Variants in CPEB3 observed in about 807,000 individuals in gnomAD.
CPEB3 encodes cytoplasmic polyadenylation element binding protein 3, also known as cytoplasmic polyadenylation element-binding protein 3.
Under a neutral mutation model 67.2 loss-of-function variants are expected in CPEB3, and 20 were observed. The ratio of observed to expected loss-of-function variants is 0.30; its 90% CI spans 0.21 to 0.43. The LOEUF is 0.43. Ranked by LOEUF, CPEB3 falls within the 20% of genes least tolerant of loss-of-function variation. The probability of loss-of-function intolerance (pLI) is 1.00; values close to 1 mark genes in which losing one functional copy is unlikely to be tolerated. For missense variants in CPEB3, 746 were observed against 968.6 expected (o/e 0.77, Z 3.05); for synonymous variants, 376 against 393.1 (o/e 0.96, Z 0.51).
chr10:92,079,082 T>C (rs1843042011), intron 9 of CPEB3, among the ~76,000 whole-genome samples: 2 of 152,108 alleles, frequency 1.3e-5, no homozygotes, highest in African/African-American at 4.8e-5. Flanking sequence ...GCTACTTCCA[T>C]ATAAATAAGA....
intron 7 of CPEB3, among the ~76,000 whole-genome samples, chr10:92,103,411 A>T (rs1389666781): frequency 6.6e-6 from 1 of 152,248 alleles, no homozygotes; most frequent in Non-Finnish European, 1.5e-5. Flanking sequence ...TGCTCTAAAA[A>T]TTATCCCTAC....
rs192578216 is a variant in CPEB3 at position 92,279,225 on chromosome 10, G to A, written c.-12+11701C>T. On this transcript the variant is annotated intron_variant, in intron 1 of 9. Coordinates refer to ENST00000265997, the MANE Select transcript of CPEB3 (RefSeq NM_014912.5). ...TGAGGAAGTTCCCTTCTATTCCTGAGTGGTCTTTTTCTCTTCCTCTTACAA... is the reference window on the plus strand; with the variant it reads ...TGAGGAAGTTCCCTTCTATTCCTGAATGGTCTTTTTCTCTTCCTCTTACAA... 2.8e-3 allele frequency among the ~76,000 whole-genome samples: 424 copies of A among 152,154 alleles called. 4 individuals are homozygous for A. Among genetic ancestry groups the A allele is most frequent in the African/African-American group, 9.4e-3 (390 of 41,538 alleles).
chr10:92,277,160 C>T (rs967007198), intron 1 of CPEB3, among the ~76,000 whole-genome samples: 3 of 152,086 alleles, frequency 2.0e-5, no homozygotes, highest in African/African-American at 4.8e-5. Flanking sequence ...TCCAATTTAT[C>T]TATTCTTTCT....
In CPEB3 at chr10:92,067,351, T is replaced by G. The variant is rs556013540; in HGVS notation, c.1869+13969A>C. ...CCCCATCTCTACTAAAAATACAAAA[T>G]TAGCCAGGCATGGTGGCGCATGCCT... is the stretch of plus-strand genomic sequence containing the variant. On this transcript the variant is annotated intron_variant, in intron 9 of 9. Transcript: ENST00000265997. Among the ~76,000 whole-genome samples, 5 of 150,136 alleles carry G rather than the reference T, an allele frequency of 3.3e-5. No individual in the cohort carries two copies. In the South Asian group the frequency reaches 1.1e-3, roughly 32 times the overall value.
chr10:92,216,265 A>T, intron 2 of CPEB3: 1 of 1,368,548 alleles, frequency 7.3e-7, no homozygotes. Flanking sequence ...GTGAAACCCC[A>T]TCTCTACTAA....
chr10:92,108,095 A>AGATAAAGGG (rs1344739150), intron 7 of CPEB3, among the ~76,000 whole-genome samples: 5 of 152,226 alleles, frequency 3.3e-5, no homozygotes, highest in African/African-American at 7.2e-5. Flanking sequence ...TGAGAAAGAA[A>AGATAAAGGG]GATAAAGGGT....
chr10:92,123,246 C>T (rs1438484098), intron 6 of CPEB3, among the ~76,000 whole-genome samples: 1 of 152,166 alleles, frequency 6.6e-6, no homozygotes, highest in South Asian at 2.1e-4. Flanking sequence ...CTTGTGAAGT[C>T]TGCCAATCTG....
At chr10:92,127,500 A>AC (rs748786908) in intron 6 of CPEB3, among the ~76,000 whole-genome samples, 13 of 151,678 alleles carry the variant, frequency 8.6e-5, no homozygotes, top group Non-Finnish European at 1.6e-4. Flanking sequence ...ATATGGTGAG[A>AC]CCCCCATCTC....
chr10:92,185,387 G>A (rs1247216617), intron 3 of CPEB3, among the ~76,000 whole-genome samples: 1 of 152,052 alleles, frequency 6.6e-6, no homozygotes, highest in East Asian at 1.9e-4. Flanking sequence ...GAAGGGAGAG[G>A]TTAGAGAATA....
At chr10:92,159,409 C>T (rs535330233) in intron 4 of CPEB3, among the ~76,000 whole-genome samples, 5 of 152,152 alleles carry the variant, frequency 3.3e-5, no homozygotes, top group East Asian at 3.9e-4. Context: ...CAGTGGCTCA[C>T]GTTTGTAATC....
intron 7 of CPEB3, among the ~76,000 whole-genome samples, chr10:92,104,697 G>A (rs780364548): frequency 3.3e-5 from 5 of 151,714 alleles, no homozygotes; most frequent in Non-Finnish European, 5.9e-5. Flanking sequence ...GAAATGCAAC[G>A]TTTTTTAGAC....
chr10:92,274,861 T>C (rs1461219269), intron 1 of CPEB3, among the ~76,000 whole-genome samples: 1 of 152,140 alleles, frequency 6.6e-6, no homozygotes, highest in Non-Finnish European at 1.5e-5. Flanking sequence ...TGTAGTTCCT[T>C]CTGAGGAGTT....
chr10:92,135,767 T>C (rs1846061726), intron 6 of CPEB3, among the ~76,000 whole-genome samples: 1 of 152,060 alleles, frequency 6.6e-6, no homozygotes, highest in South Asian at 2.1e-4. Flanking sequence ...AACCAAAATG[T>C]CCATCAATGA....
chr10:92,082,300 A>G (rs1409653671), intron 8 of CPEB3, among the ~76,000 whole-genome samples: 1 of 149,868 alleles, frequency 6.7e-6, no homozygotes, highest in Admixed American at 6.6e-5. Flanking sequence ...TTGTTTGTTT[A>G]CTGAGACAGA....
intron 3 of CPEB3, among the ~76,000 whole-genome samples, chr10:92,185,099 A>G (rs1365419906): frequency 6.6e-6 from 1 of 152,230 alleles, no homozygotes; most frequent in Non-Finnish European, 1.5e-5. Flanking sequence ...ACTGCTGTTT[A>G]ATCAGCTGTG....
chr10:92,276,776 A>C (rs1046627503), intron 1 of CPEB3, among the ~76,000 whole-genome samples: 1 of 152,214 alleles, frequency 6.6e-6, no homozygotes, highest in African/African-American at 2.4e-5. Flanking sequence ...TGTTTTCCAA[A>C]GCAACTGCAC....
At chr10:92,059,765 T>C (rs1842265309) in intron 9 of CPEB3, among the ~76,000 whole-genome samples, 2 of 152,280 alleles carry the variant, frequency 1.3e-5, no homozygotes, top group African/African-American at 4.8e-5. Context: ...GAGACCAGCC[T>C]GACCCACATG....
intron 4 of CPEB3, among the ~76,000 whole-genome samples, chr10:92,166,295 G>A (rs1847741809): frequency 6.6e-6 from 1 of 151,996 alleles, no homozygotes; most frequent in African/African-American, 2.4e-5. Flanking sequence ...TTTTAGTAGA[G>A]ATGAGGTTTC....
intron 6 of CPEB3, chr10:92,137,475 G>T: frequency 8.2e-7 from 1 of 1,225,980 alleles, no homozygotes; most frequent in Non-Finnish European, 1.2e-6. Flanking sequence ...GCAACACCCA[G>T]GTGGTTTTGC....
Sources: allele counts gnomAD v4.1 joint callset (sites outside exome capture counted in the v4.1 genomes callset), GRCh38; gene constraint gnomAD v4.1.1; transcripts MANE v1.5; gene names NCBI Gene and HGNC (gene_info 2026-07-23, HGNC 2026-07-21).